The following GMDS variants were observed in gnomAD, a reference collection of about 807,000 sequenced individuals.
GMDS encodes GDP-mannose 4,6-dehydratase.
In GMDS, 20 loss-of-function variants were observed where a neutral mutation model predicts 49.9. The observed-to-expected ratio is 0.40, with a 90% CI of 0.28 to 0.58. The LOEUF (loss-of-function observed/expected upper bound fraction) is 0.58, where lower values mean the gene tolerates loss of function less well. Ranked by LOEUF, GMDS falls within the 20% of genes least tolerant of loss-of-function variation. The pLI is 0.42. For synonymous variants in GMDS, 177 were observed against 178.6 expected (o/e 0.99, Z 0.07); for missense variants, 362 against 481.4 (o/e 0.75, Z 2.32).
chr6:2,005,843 CTTTATA>C (rs1299307700), intron 4 of GMDS, among the ~76,000 whole-genome samples: 1 of 152,110 alleles, frequency 6.6e-6, no homozygotes. Context: ...TTCCCTTGGT[CTTTATA>C]TATCACCACC....
intron 1 of GMDS, among the ~76,000 whole-genome samples, chr6:2,127,290 A>G (rs1775503375): frequency 6.6e-6 from 1 of 152,172 alleles, no homozygotes; most frequent in Non-Finnish European, 1.5e-5. Context: ...GTAAAGTATG[A>G]AGTTTGGACT....
intron 9 of GMDS, among the ~76,000 whole-genome samples, chr6:1,659,135 T>C (rs1172889715): frequency 6.6e-6 from 1 of 151,200 alleles, no homozygotes; most frequent in African/African-American, 2.4e-5. Flanking sequence ...CTCTGTGGGG[T>C]GTATGCAGTT....
chr6:1,811,393 A>G (rs1221557636), intron 7 of GMDS, among the ~76,000 whole-genome samples: 1 of 152,212 alleles, frequency 6.6e-6, no homozygotes, highest in East Asian at 1.9e-4. Context: ...ATGTCTAGTT[A>G]TAATTCTCCA....
chr6:1,698,687 T>A (rs142919280), intron 9 of GMDS, among the ~76,000 whole-genome samples: 2,185 of 151,518 alleles, frequency 0.014, 29 homozygotes, highest in Non-Finnish European at 0.022. Flanking sequence ...AGGGCAGGCA[T>A]GGGGGCCATC....
intron 8 of GMDS, among the ~76,000 whole-genome samples, chr6:1,738,785 A>C (rs751872690): frequency 4.3e-4 from 65 of 152,218 alleles, no homozygotes; most frequent in African/African-American, 1.5e-3. Context: ...CTAAGACTCA[A>C]ATCAATCGCT....
intron 4 of GMDS, among the ~76,000 whole-genome samples, chr6:1,981,221 A>G (rs1392458430): frequency 1.3e-5 from 2 of 148,952 alleles, no homozygotes; most frequent in East Asian, 3.9e-4. Flanking sequence ...CAGAGACATG[A>G]AAAAACCTGC....
At chr6:2,128,995 T>C (rs557555043) in intron 1 of GMDS, among the ~76,000 whole-genome samples, 9 of 152,328 alleles carry the variant, frequency 5.9e-5, no homozygotes, top group Admixed American at 5.2e-4. Flanking sequence ...CAGGGTCCCA[T>C]GGGGCCAGGT....
At chr6:1,694,415 T>C (rs56925961) in intron 9 of GMDS, among the ~76,000 whole-genome samples, 6,071 of 152,272 alleles carry the variant, frequency 0.04, 186 homozygotes, top group East Asian at 0.18. Context: ...AGGTAGTCAT[T>C]GTGGTATGCA....
chr6:2,144,337 C>T (rs902663964), intron 1 of GMDS, among the ~76,000 whole-genome samples: 1 of 152,190 alleles, frequency 6.6e-6, no homozygotes, highest in African/African-American at 2.4e-5. Flanking sequence ...ACAGGAGGCC[C>T]GCCATGCAGG....
At chr6:1,647,133 G>A (rs1409694879) in intron 9 of GMDS, among the ~76,000 whole-genome samples, 3 of 152,214 alleles carry the variant, frequency 2.0e-5, no homozygotes, top group Admixed American at 2.0e-4. Flanking sequence ...CCTCCCAGAG[G>A]AACCAGTGTT....
At chr6:1,789,070 A>G (rs1220038556) in intron 7 of GMDS, among the ~76,000 whole-genome samples, 1 of 152,218 alleles carries the variant, frequency 6.6e-6, no homozygotes, top group East Asian at 1.9e-4. Context: ...AGGACACAAT[A>G]GTCATGTAAT....
intron 4 of GMDS, among the ~76,000 whole-genome samples, chr6:2,006,419 TC>T (rs1767177280): frequency 6.6e-6 from 1 of 151,834 alleles, no homozygotes; most frequent in Non-Finnish European, 1.5e-5. Flanking sequence ...CACAGCAAGA[TC>T]CTGTCTCCAG....
chr6:1,981,510 C>G (rs909674923), intron 4 of GMDS, among the ~76,000 whole-genome samples: 5 of 152,078 alleles, frequency 3.3e-5, no homozygotes, highest in Non-Finnish European at 7.3e-5. Context: ...CTGAATAGAC[C>G]AATAATGAGT....
chr6:1,628,674 CT>C (rs533205077), intron 9 of GMDS, among the ~76,000 whole-genome samples: 254 of 152,308 alleles, frequency 1.7e-3, no homozygotes, highest in African/African-American at 5.9e-3. Context: ...AGTATGAGAT[CT>C]TTTGGCAGAT....
chr6:1,737,193 T>C (rs973150020), intron 8 of GMDS, among the ~76,000 whole-genome samples: 7 of 152,162 alleles, frequency 4.6e-5, no homozygotes, highest in African/African-American at 1.7e-4. Context: ...TACCACAGAC[T>C]ACAATAACAC....
intron 7 of GMDS, among the ~76,000 whole-genome samples, chr6:1,772,219 A>G (rs1449912584): frequency 6.6e-6 from 1 of 152,234 alleles, no homozygotes; most frequent in African/African-American, 2.4e-5. Context: ...AATCCAATGC[A>G]TGAGCTCTCT....
chr6:2,237,483 G>C (rs1383222020), intron 1 of GMDS, among the ~76,000 whole-genome samples: 1 of 149,874 alleles, frequency 6.7e-6, no homozygotes, highest in Non-Finnish European at 1.5e-5. Context: ...AGGAAGAAAA[G>C]CATGAGAAAT....
intron 1 of GMDS, among the ~76,000 whole-genome samples, chr6:2,161,535 T>C (rs1777400167): frequency 6.6e-6 from 1 of 152,226 alleles, no homozygotes; most frequent in African/African-American, 2.4e-5. Flanking sequence ...ACAGTGTTTC[T>C]TGGAGGTTTT....
rs80220420 is a variant in GMDS at position 1,854,873 on chromosome 6, G to A, written c.771+75230C>T. ...AAGGGATAGCTCACTCTAAAGCACA[G>A]AGATAATTAGTAAATGGAATGAAAA... On this transcript the variant is annotated intron_variant, in intron 7 of 10. Coordinates refer to ENST00000380815, the MANE Select transcript of GMDS (RefSeq NM_001500.4). Among the ~76,000 whole-genome samples the A allele has an allele frequency of 0.014, 2,153 of 152,252 alleles. 109 individuals carry two copies. The East Asian group carries it at 0.17, about 12-fold the overall frequency.
Sources: allele counts gnomAD v4.1 joint callset (sites outside exome capture counted in the v4.1 genomes callset), GRCh38; gene constraint gnomAD v4.1.1; transcripts MANE v1.5; gene names NCBI Gene and HGNC (gene_info 2026-07-23, HGNC 2026-07-21).